NLGN4X: variants seen among roughly 807,000 people sequenced by gnomAD.
The protein encoded by NLGN4X is neuroligin-4, X-linked.
Under a neutral mutation model 40.3 loss-of-function variants are expected in NLGN4X, and 3 were observed. That is an observed-to-expected ratio of 0.07 (90% CI 0.03 to 0.19). The LOEUF (loss-of-function observed/expected upper bound fraction) is 0.19. NLGN4X is among the 10% of genes least tolerant of loss of function. The pLI is 1.00. For missense variants in NLGN4X, 382 were observed against 708.3 expected (o/e 0.54, Z 5.23); for synonymous variants, 270 against 306.8 (o/e 0.88, Z 1.25).
At chrX:6,147,774 G>A (rs1183630506) in intron 2 of NLGN4X, among the ~76,000 whole-genome samples, 3 of 111,346 alleles carry the variant, frequency 2.7e-5, no homozygotes, top group Non-Finnish European at 5.6e-5. Flanking sequence ...TAGAGCTTCC[G>A]ACTGGCTTGA....
chrX:5,950,828 G>A (rs1601939370), intron 3 of NLGN4X, among the ~76,000 whole-genome samples: 1 of 111,378 alleles, frequency 9.0e-6, no homozygotes, highest in African/African-American at 3.3e-5. Context: ...CTATGGAAGC[G>A]GCTGGAATAT....
chrX:6,170,010 ATT>A (rs770344945), intron 1 of NLGN4X, among the ~76,000 whole-genome samples: 3 of 103,873 alleles, frequency 2.9e-5, no homozygotes, highest in Admixed American at 1.0e-4. Flanking sequence ...ACTGGACAAG[ATT>A]TTTTTTTTTT....
intron 2 of NLGN4X, among the ~76,000 whole-genome samples, chrX:6,055,757 A>G (rs188198744): frequency 2.9e-3 from 322 of 112,172 alleles, no homozygotes; most frequent in African/African-American, 1.0e-2. Context: ...GATTATTCTG[A>G]TATCAGTTAA....
At chrX:5,925,899 T>TATAA (rs1319372408) in intron 3 of NLGN4X, among the ~76,000 whole-genome samples, 34 of 31,306 alleles carry the variant, frequency 1.1e-3, no homozygotes, top group South Asian at 7.8e-3. Flanking sequence ...TATATATATA[T>TATAA]ATATATATAT....
intron 3 of NLGN4X, among the ~76,000 whole-genome samples, chrX:6,012,548 T>A (rs2147162207): frequency 9.0e-6 from 1 of 111,109 alleles, no homozygotes; most frequent in South Asian, 3.8e-4. Context: ...TTGGGTGGAG[T>A]GGGTTGCGTA....
chrX:6,058,113 G>C (rs1424742754), intron 2 of NLGN4X, among the ~76,000 whole-genome samples: 1 of 110,714 alleles, frequency 9.0e-6, no homozygotes. Context: ...CATATGAAGA[G>C]AAAAAAAGGC....
chrX:6,180,401 C>T (rs970390510), intron 1 of NLGN4X, among the ~76,000 whole-genome samples: 3 of 109,824 alleles, frequency 2.7e-5, no homozygotes, highest in Admixed American at 9.8e-5. Flanking sequence ...CACCTTGCCC[C>T]TCTCTCTCTC....
chrX:6,132,367 G>A (rs1372517216), intron 2 of NLGN4X, among the ~76,000 whole-genome samples: 1 of 111,212 alleles, frequency 9.0e-6, no homozygotes, highest in Non-Finnish European at 1.9e-5. Context: ...AGTAAAAAAC[G>A]ATTACACATG....
chrX:5,975,585 C>T (rs1482191876), intron 3 of NLGN4X, among the ~76,000 whole-genome samples: 3 of 100,185 alleles, frequency 3.0e-5, no homozygotes, highest in African/African-American at 1.2e-4. Flanking sequence ...TGCACTCCAG[C>T]CTGGGCGACA....
At chrX:5,987,560 A>G (rs2035564662) in intron 3 of NLGN4X, among the ~76,000 whole-genome samples, 1 of 112,400 alleles carries the variant, frequency 8.9e-6, no homozygotes, top group Non-Finnish European at 1.9e-5. Context: ...ATTTTTTTTA[A>G]TCAGTGTAAA....
At chrX:6,057,501 A>G (rs2037661964) in intron 2 of NLGN4X, among the ~76,000 whole-genome samples, 1 of 112,296 alleles carries the variant, frequency 8.9e-6, no homozygotes, top group Non-Finnish European at 1.9e-5. Flanking sequence ...GATAAATTAG[A>G]TGAATTAAGA....
intron 1 of NLGN4X, among the ~76,000 whole-genome samples, chrX:6,153,565 G>A (rs750657707): frequency 1.1e-4 from 12 of 111,680 alleles, no homozygotes; most frequent in Non-Finnish European, 1.7e-4. Flanking sequence ...TTCAGCCTGG[G>A]GGCCAAAACC....
chrX:5,972,622 A>G (rs1198339879), intron 3 of NLGN4X, among the ~76,000 whole-genome samples: 1 of 111,741 alleles, frequency 8.9e-6, no homozygotes, highest in African/African-American at 3.3e-5. Flanking sequence ...AGATTCATAC[A>G]GAAGTTAGTC....
intron 2 of NLGN4X, among the ~76,000 whole-genome samples, chrX:6,040,158 T>G: frequency 9.0e-6 from 1 of 111,347 alleles, no homozygotes. Context: ...CAGGCTAGTC[T>G]TGAACTCTTG....
At chrX:6,026,241 T>TA (rs10712021) in intron 3 of NLGN4X, among the ~76,000 whole-genome samples, 63 of 105,368 alleles carry the variant, frequency 6.0e-4, no homozygotes, top group East Asian at 3.0e-3. Flanking sequence ...GTTACTCCAT[T>TA]AAAAAAAAAA....
chrX:6,066,940 TC>T (rs780387755), intron 2 of NLGN4X, among the ~76,000 whole-genome samples: 6 of 111,047 alleles, frequency 5.4e-5, no homozygotes, highest in Non-Finnish European at 9.4e-5. Flanking sequence ...AGACCCTGTC[TC>T]TACAAAAAAA....
At chrX:5,952,965 T>C (rs2034366314) in intron 3 of NLGN4X, among the ~76,000 whole-genome samples, 1 of 111,916 alleles carries the variant, frequency 8.9e-6, no homozygotes, top group South Asian at 3.7e-4. Context: ...CTCAGTGTAT[T>C]CATATAGGTA....
intron 3 of NLGN4X, among the ~76,000 whole-genome samples, chrX:5,921,391 CAGAGAGAGAGAGAGAGAGAGAGAG>C (rs56879029): frequency 5.7e-5 from 3 of 53,088 alleles, no homozygotes; most frequent in African/African-American, 2.0e-4. Context: ...GAAAATGAAC[CAGAGAGAGAGAGAGAGAGAGAGAG>C]AGAGAGAGAG....
chrX:6,143,105 T>C (rs2039981232), intron 2 of NLGN4X, among the ~76,000 whole-genome samples: 1 of 112,375 alleles, frequency 8.9e-6, no homozygotes, highest in African/African-American at 3.2e-5. Context: ...TTTTCTGTTA[T>C]TAATGATGCT....
Sources: allele counts gnomAD v4.1 joint callset (sites outside exome capture counted in the v4.1 genomes callset), GRCh38; gene constraint gnomAD v4.1.1; transcripts MANE v1.5; gene names NCBI Gene and HGNC (gene_info 2026-07-23, HGNC 2026-07-21).